Variants in CLYBL observed in about 807,000 individuals in gnomAD.
CLYBL encodes citramalyl-CoA lyase, also known as citramalyl-CoA lyase, mitochondrial.
Under a neutral mutation model 38.9 loss-of-function variants are expected in CLYBL, and 31 were observed. The ratio of observed to expected loss-of-function variants is 0.80; its 90% CI spans 0.60 to 1.08. The LOEUF is 1.08. Ranked by LOEUF, CLYBL falls within the 50% of genes least tolerant of loss-of-function variation. The probability of loss-of-function intolerance (pLI) is 0.00; values close to 1 mark genes in which losing one functional copy is unlikely to be tolerated. For synonymous variants in CLYBL, 171 were observed against 158.6 expected, an observed-to-expected ratio of 1.08 and a Z score of -0.59; for missense variants, 434 against 411.6, an observed-to-expected ratio of 1.05 and a Z score of -0.47.
chr13:99,719,233 C>T (rs944306579), intron 1 of CLYBL, among the ~76,000 whole-genome samples: 2 of 151,520 alleles, frequency 1.3e-5, no homozygotes, highest in African/African-American at 2.4e-5. Flanking sequence ...CAACCTTCAC[C>T]TCCTGGGCTC....
intron 1 of CLYBL, among the ~76,000 whole-genome samples, chr13:99,735,204 TG>T (rs1394993378): frequency 6.6e-6 from 1 of 152,212 alleles, no homozygotes; most frequent in Non-Finnish European, 1.5e-5. Flanking sequence ...TTTGCTTGTT[TG>T]TTTTTAGAGG....
chr13:99,612,967 A>T (rs2046650629), intron 1 of CLYBL, among the ~76,000 whole-genome samples: 1 of 151,780 alleles, frequency 6.6e-6, no homozygotes, highest in South Asian at 2.1e-4. Context: ...GTGAGCTGTG[A>T]TGATACCACT....
At chr13:99,841,464 G>C (rs2051075234) in intron 2 of CLYBL, among the ~76,000 whole-genome samples, 1 of 152,200 alleles carries the variant, frequency 6.6e-6, no homozygotes, top group Non-Finnish European at 1.5e-5. Context: ...CAGTGGTGTA[G>C]TCTCAGCTCA....
At chr13:99,671,127 A>G (rs1174642429) in intron 1 of CLYBL, among the ~76,000 whole-genome samples, 1 of 152,144 alleles carries the variant, frequency 6.6e-6, no homozygotes, top group African/African-American at 2.4e-5. Context: ...TTCTGCTGCC[A>G]GATTCTTTCT....
rs540027978 is a variant in CLYBL at position 99,821,465 on chromosome 13, TTTTC to T, written c.250-37392_250-37389del. 2.9e-3 allele frequency among the ~76,000 whole-genome samples: 446 copies of T among 152,328 alleles called. 2 individuals carry two copies. The highest frequency in any genetic ancestry group is 4.9e-3 in the Non-Finnish European group (333 of 68,020). ...TTGGATAAATATACACTTAATTTTCTTTTCTTTGTTTTTCTTTTGATGGAAAATT... is the reference window on the plus strand; with the variant it reads ...TTGGATAAATATACACTTAATTTTCTTTTGTTTTTCTTTTGATGGAAAATT... On this transcript the variant is annotated intron_variant, in intron 2 of 8. Transcript: ENST00000339105.
chr13:99,833,007 C>CATACATATATATATATATATATAT (rs1189179465), intron 2 of CLYBL, among the ~76,000 whole-genome samples: 10 of 51,570 alleles, frequency 1.9e-4, no homozygotes, highest in East Asian at 7.8e-4. Context: ...TACATACATA[C>CATACATATATATATATATATATAT]ATATATATAT....
At chr13:99,699,795 C>A (rs904988376) in intron 1 of CLYBL, among the ~76,000 whole-genome samples, 1 of 151,144 alleles carries the variant, frequency 6.6e-6, no homozygotes, top group Non-Finnish European at 1.5e-5. Flanking sequence ...AGTTCGAGAC[C>A]ATCCTGGCTA....
At chr13:99,653,820 G>A (rs1407284874) in intron 1 of CLYBL, among the ~76,000 whole-genome samples, 4 of 152,106 alleles carry the variant, frequency 2.6e-5, no homozygotes, top group African/African-American at 9.7e-5. Context: ...GTGATATGCT[G>A]GGTATGATGG....
intron 7 of CLYBL, among the ~76,000 whole-genome samples, chr13:99,876,947 T>G (rs977121553): frequency 7.2e-5 from 11 of 151,940 alleles, no homozygotes; most frequent in Admixed American, 7.2e-4. Context: ...GAAACCAGGG[T>G]CTCCACGTGC....
intron 1 of CLYBL, among the ~76,000 whole-genome samples, chr13:99,653,774 G>T (rs775268671): frequency 1.3e-5 from 2 of 152,002 alleles, no homozygotes; most frequent in Admixed American, 6.6e-5. Flanking sequence ...TGGTTCACTT[G>T]TTCCTTCTCC....
At chr13:99,867,662 C>T (rs555696217) in intron 6 of CLYBL, among the ~76,000 whole-genome samples, 3 of 152,186 alleles carry the variant, frequency 2.0e-5, no homozygotes, top group African/African-American at 4.8e-5. Flanking sequence ...CTCTTTCCAA[C>T]GGCTGGTTAG....
chr13:99,625,465 T>G (rs1164079379), intron 1 of CLYBL, among the ~76,000 whole-genome samples: 2 of 152,204 alleles, frequency 1.3e-5, no homozygotes, highest in Non-Finnish European at 2.9e-5. Flanking sequence ...TATTAATTAC[T>G]GGTTTGGGGA....
chr13:99,662,982 C>T (rs886449594), intron 1 of CLYBL, among the ~76,000 whole-genome samples: 2 of 152,254 alleles, frequency 1.3e-5, no homozygotes, highest in South Asian at 2.1e-4. Context: ...ATGCAGGACA[C>T]TAAATATGTT....
At chr13:99,699,101 C>G (rs891347240) in intron 1 of CLYBL, among the ~76,000 whole-genome samples, 1 of 152,050 alleles carries the variant, frequency 6.6e-6, no homozygotes, top group South Asian at 2.1e-4. Flanking sequence ...AAAAATGAAC[C>G]TGGGACTGGC....
At chr13:99,815,554 C>T (rs2050428173) in intron 2 of CLYBL, among the ~76,000 whole-genome samples, 1 of 152,126 alleles carries the variant, frequency 6.6e-6, no homozygotes, top group Admixed American at 6.5e-5. Flanking sequence ...CACCGCATTC[C>T]AGCTTGAGTG....
At position 99,734,421 on chromosome 13, in the gene CLYBL, C is replaced by T. The variant is rs184947142; in HGVS notation, c.63-38403C>T. On this transcript the variant is annotated intron_variant, in intron 1 of 8. Coordinates refer to ENST00000339105, the MANE Select transcript of CLYBL (RefSeq NM_206808.5). ...TTGAGATTAAAAAAAAAAAACAAAA[C>T]GGAGGAGAATGTAACGTTGGCCATT... Among the ~76,000 whole-genome samples, 22 of 151,316 alleles carry T rather than the reference C, an allele frequency of 1.5e-4. 1 individual carries two copies. In the East Asian group the frequency reaches 2.9e-3, roughly 20 times the overall value.
intron 2 of CLYBL, among the ~76,000 whole-genome samples, chr13:99,827,148 G>A (rs2065343863): frequency 6.6e-6 from 1 of 152,174 alleles, no homozygotes. Flanking sequence ...ATGAGGCAGG[G>A]TCTGGGTTCC....
Position 99,904,903 on chromosome 13 carries a change from A to G in CLYBL, c.*25-367A>G, listed in dbSNP as rs548428651. Among the ~76,000 whole-genome samples the G allele has an allele frequency of 4.6e-5, 7 of 152,304 alleles. No individual in the cohort carries two copies. The South Asian group carries it at 1.5e-3, about 32-fold the overall frequency. On this transcript the variant is annotated intron_variant and NMD_transcript_variant, in intron 8 of 9. Transcript: ENST00000689673. Reference sequence around the variant, plus strand: ...AAAGGGCAGCCTCCCTCTTGTAAGAAGCTCAACTGGGAGCTCAGCGGGCTT... The same window carrying G: ...AAAGGGCAGCCTCCCTCTTGTAAGAGGCTCAACTGGGAGCTCAGCGGGCTT...
Position 99,797,317 on chromosome 13 carries a change from T to G in CLYBL, c.249+24307T>G, listed in dbSNP as rs147675579. On this transcript the variant is annotated intron_variant, in intron 2 of 8. Coordinates refer to ENST00000339105, the MANE Select transcript of CLYBL (RefSeq NM_206808.5). Reference sequence around the variant, plus strand: ...CTTACAGTATATTTAAGATTTAAGATCTTATAGTATCTCAGGAAGATAGTT... The same window carrying G: ...CTTACAGTATATTTAAGATTTAAGAGCTTATAGTATCTCAGGAAGATAGTT... 7.8e-3 allele frequency among the ~76,000 whole-genome samples: 1,183 copies of G among 152,278 alleles called. 18 individuals carry two copies. Among genetic ancestry groups the G allele is most frequent in the African/African-American group, 0.027 (1,114 of 41,534 alleles).
Sources: allele counts gnomAD v4.1 joint callset (sites outside exome capture counted in the v4.1 genomes callset), GRCh38; gene constraint gnomAD v4.1.1; transcripts MANE v1.5; gene names NCBI Gene and HGNC (gene_info 2026-07-23, HGNC 2026-07-21).